The following KIAA1217 variants were observed in gnomAD, a reference collection of about 807,000 sequenced individuals.
KIAA1217 encodes sickle tail protein homolog.
Under a neutral mutation model 163.9 loss-of-function variants are expected in KIAA1217, and 88 were observed. The observed-to-expected ratio is 0.54, with a 90% CI of 0.45 to 0.64. The LOEUF is 0.64. Ranked by LOEUF, KIAA1217 falls within the 30% of genes least tolerant of loss-of-function variation. The pLI, the probability that KIAA1217 is intolerant of heterozygous loss-of-function variation, is 0.00. For synonymous variants in KIAA1217, 903 were observed against 923.1 expected, an observed-to-expected ratio of 0.98 and a Z score of 0.39; for missense variants, 2,372 against 2,475.0, an observed-to-expected ratio of 0.96 and a Z score of 0.88.
intron 2 of KIAA1217, among the ~76,000 whole-genome samples, chr10:24,238,100 G>A (rs2072531296): frequency 6.6e-6 from 1 of 152,218 alleles, no homozygotes; most frequent in Non-Finnish European, 1.5e-5. Flanking sequence ...ATATGTTGCA[G>A]TTTGCAATGG....
chr10:24,302,902 G>C (rs2041544447), intron 2 of KIAA1217, among the ~76,000 whole-genome samples: 1 of 152,148 alleles, frequency 6.6e-6, no homozygotes, highest in African/African-American at 2.4e-5. Context: ...ATGGCTACAT[G>C]GGACTGAGGG....
chr10:23,746,624 C>T (rs1190664450), intron 1 of KIAA1217, among the ~76,000 whole-genome samples: 2 of 151,876 alleles, frequency 1.3e-5, no homozygotes, highest in Non-Finnish European at 2.9e-5. Context: ...AGGGTTTTAC[C>T]GTGTTAGCCA....
intron 1 of KIAA1217, among the ~76,000 whole-genome samples, chr10:23,736,156 T>TATTTAGGAA (rs1838785688): frequency 6.6e-6 from 1 of 152,240 alleles, no homozygotes; most frequent in Admixed American, 6.5e-5. Flanking sequence ...TCTTTACTTC[T>TATTTAGGAA]TTGCACATGT....
At chr10:24,137,801 C>T (rs2063891312) in intron 2 of KIAA1217, among the ~76,000 whole-genome samples, 1 of 152,162 alleles carries the variant, frequency 6.6e-6, no homozygotes. Context: ...CCTTATTAAG[C>T]TGATGTCATG....
chr10:24,050,079 C>T (rs562590534), intron 2 of KIAA1217, among the ~76,000 whole-genome samples: 5 of 151,796 alleles, frequency 3.3e-5, no homozygotes, highest in Admixed American at 6.6e-5. Flanking sequence ...CATTTTTACA[C>T]GTTTGTTGGC....
chr10:23,844,896 G>T (rs982312733), intron 1 of KIAA1217, among the ~76,000 whole-genome samples: 3 of 151,734 alleles, frequency 2.0e-5, no homozygotes, highest in African/African-American at 7.3e-5. Context: ...CTAGCCCCCC[G>T]CACCTCGACA....
chr10:24,101,869 A>C (rs2062430216), intron 2 of KIAA1217, among the ~76,000 whole-genome samples: 1 of 152,124 alleles, frequency 6.6e-6, no homozygotes, highest in African/African-American at 2.4e-5. Flanking sequence ...TTTTAGTGTA[A>C]AATGTGACAT....
intron 5 of KIAA1217, chr10:24,449,494 A>T (rs1245607132): frequency 1.0e-6 from 1 of 985,242 alleles, no homozygotes; most frequent in African/African-American, 1.7e-5. Context: ...GATTTCCGGG[A>T]CAGGAAAAAT....
At chr10:24,146,710 T>A (rs555935190) in intron 2 of KIAA1217, among the ~76,000 whole-genome samples, 3 of 150,832 alleles carry the variant, frequency 2.0e-5, no homozygotes, top group Non-Finnish European at 4.4e-5. Flanking sequence ...AAAAAAGAAA[T>A]GTCCAAGGAG....
intron 2 of KIAA1217, among the ~76,000 whole-genome samples, chr10:24,319,547 A>C (rs191432680): frequency 6.6e-6 from 1 of 152,310 alleles, no homozygotes; most frequent in Admixed American, 6.5e-5. Flanking sequence ...CAGAAAAATA[A>C]TCTATACAGC....
At chr10:23,737,648 T>G (rs1248589149) in intron 1 of KIAA1217, among the ~76,000 whole-genome samples, 9 of 152,208 alleles carry the variant, frequency 5.9e-5, no homozygotes, top group African/African-American at 1.9e-4. Flanking sequence ...GAATAAAAAA[T>G]AGTACACATA....
intron 2 of KIAA1217, among the ~76,000 whole-genome samples, chr10:24,046,942 G>T (rs994898172): frequency 6.6e-6 from 1 of 152,178 alleles, no homozygotes; most frequent in African/African-American, 2.4e-5. Context: ...TTTGTGATTG[G>T]TTAGCTAGTT....
At chr10:24,185,228 C>T (rs2066366518) in intron 2 of KIAA1217, among the ~76,000 whole-genome samples, 1 of 152,068 alleles carries the variant, frequency 6.6e-6, no homozygotes, top group Admixed American at 6.6e-5. Flanking sequence ...GTAGTAAAAC[C>T]CACAGGTAAC....
intron 1 of KIAA1217, among the ~76,000 whole-genome samples, chr10:23,933,453 T>A: frequency 6.6e-6 from 1 of 152,186 alleles, no homozygotes; most frequent in Non-Finnish European, 1.5e-5. Flanking sequence ...GTAAAATCAT[T>A]GCACTTACTT....
chr10:24,177,075 C>T lies in KIAA1217; in HGVS notation c.-170-42551C>T, dbSNP rs1048741209. Among the ~76,000 whole-genome samples the T allele has an allele frequency of 1.4e-4, 21 of 151,492 alleles. 2 individuals carry two copies. Among genetic ancestry groups the T allele is most frequent in the Admixed American group, 1.2e-3 (19 of 15,240 alleles). Reference sequence around the variant, plus strand: ...GCACAGCCCCGATTCCCGCCCGTGCCTCTCCCTCCACACCTCCCCACAAGC... The same window carrying T: ...GCACAGCCCCGATTCCCGCCCGTGCTTCTCCCTCCACACCTCCCCACAAGC... On this transcript the variant is annotated intron_variant, in intron 2 of 18. Coordinates refer to the KIAA1217 transcript ENST00000376462.
chr10:23,947,825 A>C (rs911215898), intron 1 of KIAA1217, among the ~76,000 whole-genome samples: 2 of 152,240 alleles, frequency 1.3e-5, no homozygotes, highest in Non-Finnish European at 2.9e-5. Flanking sequence ...GGACATCATA[A>C]ATGGTGACAA....
intron 6 of KIAA1217, among the ~76,000 whole-genome samples, chr10:24,479,884 G>A (rs1037888922): frequency 2.0e-5 from 3 of 152,150 alleles, no homozygotes; most frequent in East Asian, 3.8e-4. Flanking sequence ...TTAAAAGCGA[G>A]AGCAAGAAAT....
chr10:23,709,195 G>A (rs946537464), intron 1 of KIAA1217, among the ~76,000 whole-genome samples: 9 of 152,010 alleles, frequency 5.9e-5, no homozygotes, highest in Admixed American at 4.6e-4. Context: ...TCAGGTATTC[G>A]GCTATAGCAG....
At chr10:23,738,616 GT>G (rs5783859) in intron 1 of KIAA1217, among the ~76,000 whole-genome samples, 1,780 of 151,076 alleles carry the variant, frequency 0.012, 9 homozygotes, top group Non-Finnish European at 0.019. Context: ...CTTTAGAAAT[GT>G]TTTTTTTTCT....
Sources: allele counts gnomAD v4.1 joint callset (sites outside exome capture counted in the v4.1 genomes callset), GRCh38; gene constraint gnomAD v4.1.1; transcripts MANE v1.5; gene names NCBI Gene and HGNC (gene_info 2026-07-23, HGNC 2026-07-21).